Variants in DYSF observed in about 807,000 individuals in gnomAD.
DYSF encodes the protein dysferlin, also known as dystrophy-associated fer-1-like 1.
A neutral mutation model predicts 274.9 loss-of-function variants in DYSF; 212 were observed. The observed-to-expected ratio is 0.77, with a 90% CI of 0.69 to 0.86. The LOEUF (loss-of-function observed/expected upper bound fraction) is 0.86. Ranked by LOEUF, DYSF falls within the 40% of genes least tolerant of loss-of-function variation. The pLI, the probability that DYSF is intolerant of heterozygous loss-of-function variation, is 0.00. For missense variants in DYSF, 2,666 were observed against 2,783.2 expected (o/e 0.96, Z 0.95); for synonymous variants, 1,091 against 1,078.7 (o/e 1.01, Z -0.22).
intron 36 of DYSF, among the ~76,000 whole-genome samples, chr2:71,606,127 G>T (rs1467931618): frequency 6.6e-6 from 1 of 152,188 alleles, no homozygotes; most frequent in Non-Finnish European, 1.5e-5. Context: ...TGGGCTGGGG[G>T]TGCCCCTTTC....
At chr2:71,507,941 A>C (rs1388691537) in intron 4 of DYSF, among the ~76,000 whole-genome samples, 1 of 152,200 alleles carries the variant, frequency 6.6e-6, no homozygotes, top group Admixed American at 6.5e-5. Context: ...AAGCATGGCT[A>C]CCACGCCCAA....
chr2:71,513,751 C>T lies in DYSF; in HGVS notation c.589C>T (p.Leu197Phe). ...AGAGGAAGACACAGAGGACCAGGGA[C>T]TCACTGGAGATGAGGCGGAGCCATT... ...GGEEDTEDQG[L>F]TGDEAEPFLD... The change falls in exon 7 of 56, where the codon CTC (leucine) becomes TTC (phenylalanine). Residue 197 changes from leucine to phenylalanine, a missense_variant. This residue lies in a region of DYSF where 794 missense variants were observed against 777.1 expected (regional missense o/e 1.02). Transcript: ENST00000410020. The T allele has an allele frequency of 2.5e-6, 4 of 1,614,188 alleles. No individual in the cohort carries two copies. Among genetic ancestry groups the T allele is most frequent in the South Asian group, 1.1e-5 (1 of 91,086 alleles).
chr2:71,556,070 A>G lies in DYSF; in HGVS notation c.2215A>G (p.Ser739Gly), dbSNP rs1291971992. The change falls in exon 22 of 56, where the codon AGC becomes GGC. Residue 739 changes from serine to glycine, a missense_variant and splice_region_variant. Physicochemically the swap from Ser to Gly is moderately conservative, Grantham distance 56. Transcript: ENST00000410020. ...GACGGATGAGCTCATCGCAGGCTGC[A>G]GGTAGGGGGGACCTGGCGCCCCTGG... ...QLTDELIAGC[S>G]QPLGDIHETP... is the part of the protein sequence containing the mutation. 6.4e-7 allele frequency: 1 copy of G among 1,566,056 alleles called. No individual in the cohort carries two copies. The highest frequency in any genetic ancestry group is 2.3e-5 in the East Asian group (1 of 43,038).
In DYSF at chr2:71,571,459, GATCACACCCAGCACACACAC is replaced by G. The variant is rs1227115098; in HGVS notation, c.3228+733_3228+752del. Among the ~76,000 whole-genome samples, 11 of 84,200 alleles carry G rather than the reference GATCACACCCAGCACACACAC, an allele frequency of 1.3e-4. No individual in the cohort carries two copies. In the East Asian group the frequency reaches 7.5e-3, roughly 57 times the overall value. The allele number at this position is 84,200 out of a possible 152,430, so 55.2% of individuals were successfully genotyped here. A position where few individuals can be genotyped will look rare whatever the true frequency, so the allele number is the denominator to read the frequency against. ...ACAGATCACACCCAGCACACACACA[GATCACACCCAGCACACACAC>G]ATCACACCCAGCACGCACAGATCAC... is the stretch of plus-strand genomic sequence containing the variant. On this transcript the variant is annotated intron_variant, in intron 29 of 55. Coordinates refer to ENST00000410020, the MANE Select transcript of DYSF (RefSeq NM_001130987.2).
intron 41 of DYSF, among the ~76,000 whole-genome samples, chr2:71,626,507 A>C (rs1007200426): frequency 1.3e-5 from 2 of 151,608 alleles, no homozygotes; most frequent in African/African-American, 4.8e-5. Flanking sequence ...TCAGCTTCAG[A>C]GAGCTTAATT....
At chr2:71,510,064 C>T (rs377149030) in intron 4 of DYSF, among the ~76,000 whole-genome samples, 8 of 152,354 alleles carry the variant, frequency 5.3e-5, no homozygotes, top group South Asian at 2.1e-4. Context: ...TGAACCACCT[C>T]GCCCAGGCTC....
intron 12 of DYSF, among the ~76,000 whole-genome samples, chr2:71,525,940 G>A (rs1212791505): frequency 6.6e-6 from 1 of 152,190 alleles, no homozygotes; most frequent in Admixed American, 6.5e-5. Flanking sequence ...ACTGAGGTTG[G>A]TGGAATGCTT....
In DYSF at chr2:71,570,900, ACCCAAAGAT is replaced by A. The variant is rs1417617041; in HGVS notation, c.3228+161_3228+169del. The A allele has an allele frequency of 1.9e-5, 20 of 1,059,988 alleles. No homozygotes were observed. The African/African-American group carries it at 3.2e-4, about 17-fold the overall frequency. The allele number at this position is 1,059,988 out of a possible 1,614,324, so 65.7% of individuals were successfully genotyped here. On this transcript the variant is annotated intron_variant, in intron 29 of 55. Transcript: ENST00000410020. ...GGTGCTCACAGATCACACCCAGCAT[ACCCAAAGAT>A]CACACCCAGCATACACACAGATCAC...
intron 41 of DYSF, among the ~76,000 whole-genome samples, chr2:71,623,724 C>T (rs2094152797): frequency 6.6e-6 from 1 of 152,042 alleles, no homozygotes; most frequent in Admixed American, 6.6e-5. Context: ...TTAAGATGCC[C>T]TTCCACCTTT....
At chr2:71,617,496 G>T (rs1054053918) in intron 40 of DYSF, among the ~76,000 whole-genome samples, 1 of 152,024 alleles carries the variant, frequency 6.6e-6, no homozygotes, top group Non-Finnish European at 1.5e-5. Context: ...TCGGGCAAAG[G>T]CTTGGAAGTG....
chr2:71,675,929 T>A (rs1041455205), intron 52 of DYSF, among the ~76,000 whole-genome samples: 1 of 152,172 alleles, frequency 6.6e-6, no homozygotes, highest in East Asian at 1.9e-4. Flanking sequence ...ACAGACTGTT[T>A]TATATCCTGA....
chr2:71,676,322 A>G lies in DYSF; in HGVS notation c.5884+2026A>G, dbSNP rs558987272. On this transcript the variant is annotated intron_variant, in intron 52 of 55. Transcript: ENST00000410020. ...CCCTAAACTTTTGCTACCACTGTAC[A>G]TTAAAAAAAAATTGCCAATAAGATA... Among the ~76,000 whole-genome samples the G allele has an allele frequency of 4.8e-4, 70 of 147,122 alleles. 2 individuals carry two copies. The highest frequency in any genetic ancestry group is 3.1e-3 in the East Asian group (16 of 5,152).
chr2:71,481,608 A>G (rs939055441), intron 2 of DYSF, among the ~76,000 whole-genome samples: 1 of 152,064 alleles, frequency 6.6e-6, no homozygotes, highest in Non-Finnish European at 1.5e-5. Flanking sequence ...GAGTTGGGAG[A>G]GGGGCCTGTG....
At chr2:71,526,415 C>CTGGGGGGGGGGGGGGGG in intron 13 of DYSF, 69 bp downstream of exon 13, 21 of 411,206 alleles carry the variant, frequency 5.1e-5, no homozygotes, top group East Asian at 2.5e-4. Flanking sequence ...TGGGGGTGGG[C>CTGGGGGGGGGGGGGGGG]GATGGCGGGC....
intron 53 of DYSF, among the ~76,000 whole-genome samples, chr2:71,680,020 G>A (rs573339076): frequency 5.9e-4 from 89 of 151,986 alleles, no homozygotes; most frequent in Non-Finnish European, 8.8e-4. Flanking sequence ...CCCGTATTAT[G>A]TACTGTGTTT....
intron 36 of DYSF, among the ~76,000 whole-genome samples, chr2:71,610,263 G>A (rs778710518): frequency 6.6e-6 from 1 of 152,176 alleles, no homozygotes; most frequent in African/African-American, 2.4e-5. Flanking sequence ...TCCTGTTGAA[G>A]GTTTACATGA....
chr2:71,570,027 C>T (rs1158060731), intron 27 of DYSF, 93 bp downstream of exon 27: 14 of 1,227,324 alleles, frequency 1.1e-5, no homozygotes, highest in Non-Finnish European at 1.5e-5. Flanking sequence ...TTTCTCTTTG[C>T]CCCCTCTTAC....
At chr2:71,493,668 A>G (rs4390795) in intron 3 of DYSF, among the ~76,000 whole-genome samples, 81,298 of 151,702 alleles carry the variant, frequency 0.54, 22,549 homozygotes, top group Non-Finnish European at 0.62. Context: ...CCTGGCCAAC[A>G]TGGTGAAACC....
rs572486935 is a variant in DYSF at position 71,669,259 on chromosome 2, C to T, written c.5642+52C>T. The T allele has an allele frequency of 4.5e-5, 66 of 1,462,608 alleles. No individual in the cohort carries two copies. The East Asian group carries it at 1.4e-3, about 31-fold the overall frequency. The allele number at this position is 1,462,608 out of a possible 1,614,324, so 90.6% of individuals were successfully genotyped here. ...TCCAGCTTCCCGCAGCTCCCGTGCTCCCTCTGGGTTGTGCACAGCACGGGG... is the reference window on the plus strand; with the variant it reads ...TCCAGCTTCCCGCAGCTCCCGTGCTTCCTCTGGGTTGTGCACAGCACGGGG... On this transcript the variant is annotated intron_variant, in intron 50 of 55. Coordinates refer to ENST00000410020, the MANE Select transcript of DYSF (RefSeq NM_001130987.2).
Sources: allele counts gnomAD v4.1 joint callset (sites outside exome capture counted in the v4.1 genomes callset), GRCh38; gene constraint gnomAD v4.1.1; regional missense constraint gnomAD v4.1.1; transcripts MANE v1.5; gene names NCBI Gene and HGNC (gene_info 2026-07-23, HGNC 2026-07-21).